Variants in PRRC2B observed in about 807,000 individuals in gnomAD.
PRRC2B encodes protein PRRC2B.
Under a neutral mutation model 242.3 loss-of-function variants are expected in PRRC2B, and 68 were observed. The ratio of observed to expected loss-of-function variants is 0.28; its 90% CI spans 0.23 to 0.34. The LOEUF (loss-of-function observed/expected upper bound fraction) is 0.34. PRRC2B is among the 10% of genes least tolerant of loss of function. PRRC2B has a pLI of 1.00. For synonymous variants in PRRC2B, 1,228 were observed against 1,173.6 expected (o/e 1.05, Z -0.95); for missense variants, 2,835 against 2,954.8 (o/e 0.96, Z 0.94).
chr9:131,465,954 G>A (rs1383013681), intron 12 of PRRC2B, among the ~76,000 whole-genome samples: 2 of 152,142 alleles, frequency 1.3e-5, no homozygotes, highest in African/African-American at 4.8e-5. Flanking sequence ...GGAACTCCTG[G>A]CCTCAAGTGA....
chr9:131,403,086 G>A (rs1837268235), intron 1 of PRRC2B, among the ~76,000 whole-genome samples: 1 of 152,132 alleles, frequency 6.6e-6, no homozygotes, highest in Non-Finnish European at 1.5e-5. Context: ...ACTTTTTTCG[G>A]CAGGTGTTGT....
Position 131,459,319 on chromosome 9 carries a change from G to A in PRRC2B, c.1367G>A (p.Arg456Lys), listed in dbSNP as rs1943175123. ...GCGCCAGACCCTCAGCCACCGCCCA[G>A]GAAGCTTCATGGCTGGGCACCAGGC... ...RKAPDPQPPP[R>K]KLHGWAPGPD... Residue 456 changes from arginine (R) to lysine (K), a missense_variant, in exon 11 of 32, where the codon AGG becomes AAG. Around this residue, in one of 7 missense-constraint regions of PRRC2B, gnomAD observed 626 missense variants for 685.5 expected, o/e 0.91. Transcript: ENST00000683519. The A allele has an allele frequency of 6.2e-7, 1 of 1,613,746 alleles. No homozygotes were observed. Among genetic ancestry groups the A allele is most frequent in the Non-Finnish European group, 8.5e-7 (1 of 1,179,786 alleles).
At chr9:131,492,532 G>A (rs1944225436) in intron 30 of PRRC2B, among the ~76,000 whole-genome samples, 1 of 152,140 alleles carries the variant, frequency 6.6e-6, no homozygotes, top group Non-Finnish European at 1.5e-5. Context: ...GAAAAGGAAC[G>A]GCTGACATTT....
chr9:131,470,993 G>A lies in PRRC2B; in HGVS notation c.2107+10G>A, dbSNP rs1345845695. ...GCCCTGCATCCCTCAGGTAAGCACTGTGGTCTGACGGTCCATACCTGTATC... is the reference window on the plus strand; with the variant it reads ...GCCCTGCATCCCTCAGGTAAGCACTATGGTCTGACGGTCCATACCTGTATC... On this transcript the variant is annotated intron_variant, in intron 14 of 31. Coordinates refer to ENST00000683519, the MANE Select transcript of PRRC2B (RefSeq NM_013318.4). 1 of 1,600,402 alleles carries A rather than the reference G, an allele frequency of 6.2e-7. No homozygotes were observed. The highest frequency in any genetic ancestry group is 8.5e-7 in the Non-Finnish European group (1 of 1,171,762).
chr9:131,395,844 G>A (rs1837037637), intron 1 of PRRC2B, among the ~76,000 whole-genome samples: 1 of 152,224 alleles, frequency 6.6e-6, no homozygotes, highest in African/African-American at 2.4e-5. Context: ...TAGACCCGGA[G>A]TGTGTGGCAG....
intron 25 of PRRC2B, chr9:131,485,861 G>A: frequency 1.4e-6 from 1 of 731,592 alleles, no homozygotes; most frequent in Non-Finnish European, 2.5e-6. Context: ...CTCCTCCTAG[G>A]TCTGACGCTG....
At position 131,446,382 on chromosome 9, in the gene PRRC2B, G is replaced by T. The variant is rs535303371; in HGVS notation, c.614-19G>T. 5.3e-5 allele frequency: 85 copies of T among 1,611,980 alleles called. No homozygotes were observed. In the African/African-American group the frequency reaches 1.1e-3, roughly 21 times the overall value. Reference sequence around the variant, plus strand: ...CCCCTCCTCTTCCCTCTCCCCTTTTGCCCCCTTTCAATTTCCAGATGTGAC... The same window carrying T: ...CCCCTCCTCTTCCCTCTCCCCTTTTTCCCCCTTTCAATTTCCAGATGTGAC... On this transcript the variant is annotated intron_variant, in intron 6 of 31. Transcript: ENST00000683519. The surrounding 1 kb of genome is among the most constrained non-coding windows in gnomAD (Gnocchi z 4.1).
intron 5 of PRRC2B, among the ~76,000 whole-genome samples, chr9:131,443,768 A>G (rs1031261632): frequency 6.6e-6 from 1 of 152,196 alleles, no homozygotes; most frequent in African/African-American, 2.4e-5. Context: ...GGACTGGGGC[A>G]GGGATGGCAG....
chr9:131,440,149 C>G (rs1219337826), intron 5 of PRRC2B, among the ~76,000 whole-genome samples: 1 of 152,166 alleles, frequency 6.6e-6, no homozygotes, highest in Non-Finnish European at 1.5e-5. Flanking sequence ...TCAAATGATC[C>G]TCCTACCTTG....
At chr9:131,432,409 T>C (rs948515957) in intron 2 of PRRC2B, among the ~76,000 whole-genome samples, 1 of 152,224 alleles carries the variant, frequency 6.6e-6, no homozygotes, top group African/African-American at 2.4e-5. Flanking sequence ...GCAGCTCCTT[T>C]GTCCCTGTAG....
intron 1 of PRRC2B, among the ~76,000 whole-genome samples, chr9:131,427,752 T>C (rs545397953): frequency 7.2e-5 from 11 of 152,214 alleles, no homozygotes; most frequent in Non-Finnish European, 1.6e-4. Context: ...CAAACCTTGC[T>C]TCCGCAGCTA....
chr9:131,420,464 T>TTCCTTCCTTCCTTCCTTCCTTCCTTC (rs1564278498), intron 1 of PRRC2B, among the ~76,000 whole-genome samples: 1 of 8,938 alleles, frequency 1.1e-4, no homozygotes, highest in African/African-American at 2.1e-4. Flanking sequence ...TTTCTTTCTT[T>TTCCTTCCTTCCTTCCTTCCTTCCTTC]CTTTCTTTCT....
intron 1 of PRRC2B, among the ~76,000 whole-genome samples, chr9:131,374,058 CAAA>C (rs533611596): frequency 3.4e-5 from 3 of 87,954 alleles, no homozygotes; most frequent in Non-Finnish European, 4.6e-5. Context: ...GACTCCGTCT[CAAA>C]AAAAAAAAAA....
intron 1 of PRRC2B, among the ~76,000 whole-genome samples, chr9:131,406,595 T>C (rs1394205335): frequency 6.6e-6 from 1 of 152,196 alleles, no homozygotes; most frequent in Non-Finnish European, 1.5e-5. Flanking sequence ...TTTTGCTCCT[T>C]TAAGTCTCAG....
chr9:131,414,693 C>T (rs867876815), intron 1 of PRRC2B, among the ~76,000 whole-genome samples: 1 of 151,792 alleles, frequency 6.6e-6, no homozygotes, highest in Non-Finnish European at 1.5e-5. Context: ...CCTCAGCCTC[C>T]CAAGTAGCTG....
chr9:131,472,381 T>A (rs1002806265), intron 14 of PRRC2B, among the ~76,000 whole-genome samples: 1 of 152,046 alleles, frequency 6.6e-6, no homozygotes, highest in African/African-American at 2.4e-5. Context: ...TTCAACTCAC[T>A]GCAACCTCCG....
At position 131,430,291 on chromosome 9, in the gene PRRC2B, A is replaced by G. The variant is rs762371259; in HGVS notation, c.115+32A>G. The stretch of plus-strand genomic sequence containing the variant: ...CCCAGGGTTGAAGGCCAGTTCCTCA[A>G]ACTTTCTCCGAGTGACATATCCCAG... On this transcript the variant is annotated intron_variant, in intron 2 of 31. Transcript: ENST00000683519. 12 of 1,359,966 alleles carry G rather than the reference A, an allele frequency of 8.8e-6. No individual in the cohort carries two copies. In the Admixed American group the frequency reaches 9.8e-5, roughly 11 times the overall value. The allele number at this position is 1,359,966 out of a possible 1,614,324, so 84.2% of individuals were successfully genotyped here. A position where few individuals can be genotyped will look rare whatever the true frequency, so the allele number is the denominator to read the frequency against.
intron 1 of PRRC2B, among the ~76,000 whole-genome samples, chr9:131,398,496 TTCTTACCTC>T (rs771645973): frequency 1.2e-4 from 19 of 152,228 alleles, no homozygotes; most frequent in Non-Finnish European, 2.6e-4. Flanking sequence ...CTTCCTTCCG[TTCTTACCTC>T]TGCAGCCAGT....
intron 3 of PRRC2B, among the ~76,000 whole-genome samples, chr9:131,433,359 C>T (rs777293945): frequency 3.3e-5 from 5 of 152,200 alleles, no homozygotes; most frequent in African/African-American, 1.2e-4. Context: ...CCTGGAGGCT[C>T]ACCTCCTGCC....
Sources: gnomAD v4.1 joint callset for allele counts (sites outside exome capture counted in the v4.1 genomes callset) on GRCh38, gnomAD v4.1.1 for gene constraint, gnomAD v4.1.1 regional missense constraint, Gnocchi (gnomAD v3.1) non-coding constraint, MANE v1.5 for transcripts, NCBI Gene and HGNC (gene_info 2026-07-23, HGNC 2026-07-21) for gene names.